The following RBFOX1 variants were observed in gnomAD, a reference collection of about 807,000 sequenced individuals.
RBFOX1 encodes RNA binding fox-1 homolog 1, also known as RNA binding protein fox-1 homolog 1.
A neutral mutation model predicts 57.7 loss-of-function variants in RBFOX1; 8 were observed. That is an observed-to-expected ratio of 0.14 (90% CI 0.08 to 0.25). The LOEUF (loss-of-function observed/expected upper bound fraction) is 0.25, where lower values mean the gene tolerates loss of function less well. RBFOX1 is among the 10% of genes least tolerant of loss of function. The pLI, the probability that RBFOX1 is intolerant of heterozygous loss-of-function variation, is 1.00. For missense variants in RBFOX1, 611 were observed against 548.5 expected, an observed-to-expected ratio of 1.11 and a Z score of -1.14; for synonymous variants, 326 against 222.4, an observed-to-expected ratio of 1.47 and a Z score of -4.15.
intron 2 of RBFOX1, among the ~76,000 whole-genome samples, chr16:6,408,821 T>C (rs1384993398): frequency 6.6e-6 from 1 of 152,162 alleles, no homozygotes; most frequent in African/African-American, 2.4e-5. Flanking sequence ...TTTAATTCAG[T>C]CCTAAAAATG....
chr16:7,224,509 C>T (rs1699180424), intron 4 of RBFOX1, among the ~76,000 whole-genome samples: 1 of 151,194 alleles, frequency 6.6e-6, no homozygotes, highest in Admixed American at 6.6e-5. Flanking sequence ...TACCTGGGAC[C>T]TGCCCCTCAG....
intron 4 of RBFOX1, among the ~76,000 whole-genome samples, chr16:7,482,314 G>A (rs1404165275): frequency 6.6e-6 from 1 of 152,148 alleles, no homozygotes; most frequent in Non-Finnish European, 1.5e-5. Context: ...GCTTTAGGGA[G>A]GCGTTACAGT....
At chr16:6,240,878 C>G (rs913064965) in intron 1 of RBFOX1, among the ~76,000 whole-genome samples, 1 of 152,162 alleles carries the variant, frequency 6.6e-6, no homozygotes, top group African/African-American at 2.4e-5. Flanking sequence ...AATTTACTTT[C>G]TCACCATGAA....
intron 3 of RBFOX1, among the ~76,000 whole-genome samples, chr16:6,938,777 C>G (rs1036676859): frequency 2.0e-5 from 3 of 151,946 alleles, no homozygotes; most frequent in African/African-American, 7.3e-5. Context: ...ACTAAAAATC[C>G]AAAAATTAGC....
At chr16:5,906,819 C>G (rs2058470339) in intron 4 of RBFOX1, among the ~76,000 whole-genome samples, 1 of 147,804 alleles carries the variant, frequency 6.8e-6, no homozygotes, top group African/African-American at 2.5e-5. Flanking sequence ...ACTGCAACCT[C>G]CACCTCTCGG....
intron 4 of RBFOX1, among the ~76,000 whole-genome samples, chr16:7,243,908 C>G (rs2094176943): frequency 1.3e-5 from 2 of 152,054 alleles, no homozygotes; most frequent in Admixed American, 6.6e-5. Context: ...AATCAAAACT[C>G]TTAATTTCTA....
At chr16:5,566,832 C>T (rs914221350) in intron 2 of RBFOX1, among the ~76,000 whole-genome samples, 2 of 152,106 alleles carry the variant, frequency 1.3e-5, no homozygotes, top group Non-Finnish European at 2.9e-5. Flanking sequence ...ACCGCATCGA[C>T]TCACTCCCTT....
At chr16:5,874,427 C>T (rs938134732) in intron 4 of RBFOX1, among the ~76,000 whole-genome samples, 8 of 152,106 alleles carry the variant, frequency 5.3e-5, no homozygotes, top group African/African-American at 9.7e-5. Flanking sequence ...TCCGAGTGTT[C>T]TTGAGGCTGT....
At chr16:7,447,855 C>G (rs773956557) in intron 4 of RBFOX1, among the ~76,000 whole-genome samples, 2 of 152,218 alleles carry the variant, frequency 1.3e-5, no homozygotes, top group Admixed American at 1.3e-4. Context: ...ACAGATTTTT[C>G]TGTGTGTTCT....
chr16:7,529,602 A>G (rs2079517187), intron 5 of RBFOX1, among the ~76,000 whole-genome samples: 1 of 152,150 alleles, frequency 6.6e-6, no homozygotes, highest in Non-Finnish European at 1.5e-5. Context: ...GAATAGCAGC[A>G]ATTTTTATTT....
chr16:7,705,609 A>G (rs1301516831), intron 14 of RBFOX1, among the ~76,000 whole-genome samples: 2 of 152,312 alleles, frequency 1.3e-5, no homozygotes, highest in African/African-American at 4.8e-5. Flanking sequence ...TCAAGTTTGG[A>G]TTTTATTCTA....
chr16:7,323,232 T>G (rs955137402), intron 4 of RBFOX1, among the ~76,000 whole-genome samples: 3 of 152,124 alleles, frequency 2.0e-5, no homozygotes, highest in Non-Finnish European at 4.4e-5. Flanking sequence ...CAGACCCGCC[T>G]GGCAACACAG....
chr16:5,700,459 C>T (rs938311999), intron 3 of RBFOX1, among the ~76,000 whole-genome samples: 10 of 152,170 alleles, frequency 6.6e-5, no homozygotes, highest in Admixed American at 5.2e-4. Context: ...CTCATGAAAG[C>T]GTTTCATGAA....
At chr16:6,722,866 C>G (rs1318674120) in intron 3 of RBFOX1, among the ~76,000 whole-genome samples, 1 of 152,170 alleles carries the variant, frequency 6.6e-6, no homozygotes, top group African/African-American at 2.4e-5. Flanking sequence ...AGCTTTGGCA[C>G]ACTGACATCT....
chr16:6,441,210 C>A (rs2094372780), intron 2 of RBFOX1, among the ~76,000 whole-genome samples: 1 of 152,004 alleles, frequency 6.6e-6, no homozygotes, highest in South Asian at 2.1e-4. Flanking sequence ...TCTAATGCCG[C>A]TGATCTCAAG....
intron 4 of RBFOX1, among the ~76,000 whole-genome samples, chr16:7,226,911 C>G (rs1185765214): frequency 6.6e-6 from 1 of 152,172 alleles, no homozygotes; most frequent in African/African-American, 2.4e-5. Flanking sequence ...GTATTTTCAT[C>G]TGTGTGTCTA....
At chr16:6,351,366 A>ATTTT (rs1158685144) in intron 2 of RBFOX1, among the ~76,000 whole-genome samples, 10 of 98,994 alleles carry the variant, frequency 1.0e-4, no homozygotes, top group African/African-American at 4.4e-4. Context: ...ATATATATAT[A>ATTTT]TATATATTTT....
intron 5 of RBFOX1, among the ~76,000 whole-genome samples, chr16:7,527,984 T>G (rs1158619744): frequency 6.6e-6 from 1 of 152,170 alleles, no homozygotes; most frequent in Non-Finnish European, 1.5e-5. Context: ...TATAGACAAA[T>G]GGTTTTCAAT....
At chr16:7,082,504 C>G (rs1247699352) in intron 4 of RBFOX1, among the ~76,000 whole-genome samples, 4 of 151,352 alleles carry the variant, frequency 2.6e-5, no homozygotes, top group Admixed American at 6.6e-5. Context: ...ATCGCTTGAG[C>G]CTGGGAGGTG....
Sources: allele counts gnomAD v4.1 joint callset (sites outside exome capture counted in the v4.1 genomes callset), GRCh38; gene constraint gnomAD v4.1.1; transcripts MANE v1.5; gene names NCBI Gene and HGNC (gene_info 2026-07-23, HGNC 2026-07-21).